The following KCNH1 variants were observed in gnomAD, a reference collection of about 807,000 sequenced individuals.
The protein encoded by KCNH1 is voltage-gated delayed rectifier potassium channel KCNH1.
KCNH1 carries 27 observed loss-of-function variants against 69.2 expected under a neutral mutation model. That is an observed-to-expected ratio of 0.39 (90% confidence interval 0.29 to 0.54). The LOEUF is 0.54. Among genes scored for constraint, KCNH1 ranks in the 20% least tolerant of loss-of-function variants. The probability of loss-of-function intolerance (pLI) is 0.68; values close to 1 mark genes in which losing one functional copy is unlikely to be tolerated. For synonymous variants in KCNH1, 456 were observed against 487.7 expected (o/e 0.93, Z 0.86); for missense variants, 798 against 1,261.6 (o/e 0.63, Z 5.57).
intron 6 of KCNH1, among the ~76,000 whole-genome samples, chr1:210,998,727 A>T (rs1172397131): frequency 6.6e-6 from 1 of 152,096 alleles, no homozygotes; most frequent in Non-Finnish European, 1.5e-5. Context: ...CAGCACCACA[A>T]CACACCTAAT....
intron 10 of KCNH1, among the ~76,000 whole-genome samples, chr1:210,697,274 G>T (rs1002576819): frequency 2.0e-5 from 3 of 152,178 alleles, no homozygotes; most frequent in Non-Finnish European, 2.9e-5. Context: ...TTCCTGCTGG[G>T]CCCAAGAAAC....
At chr1:210,703,822 C>T (rs73067455) in intron 10 of KCNH1, among the ~76,000 whole-genome samples, 4,242 of 152,266 alleles carry the variant, frequency 0.028, 126 homozygotes, top group African/African-American at 0.073. Context: ...TCTGTAATCT[C>T]GGGCTTGTGC....
At chr1:210,998,644 G>C (rs1474005381) in intron 6 of KCNH1, among the ~76,000 whole-genome samples, 2 of 152,180 alleles carry the variant, frequency 1.3e-5, no homozygotes, top group Non-Finnish European at 2.9e-5. Flanking sequence ...ATTGAACTCA[G>C]CTCTGCCCCA....
intron 5 of KCNH1, among the ~76,000 whole-genome samples, chr1:211,048,405 C>T (rs1690131877): frequency 6.6e-6 from 1 of 152,066 alleles, no homozygotes; most frequent in Non-Finnish European, 1.5e-5. Flanking sequence ...CAGCATAATT[C>T]GCAACTGCAA....
intron 6 of KCNH1, among the ~76,000 whole-genome samples, chr1:210,920,618 T>C (rs1380025179): frequency 6.6e-6 from 1 of 151,974 alleles, no homozygotes; most frequent in African/African-American, 2.4e-5. Context: ...TTTGTAAATA[T>C]TTTTGTTATA....
Position 210,804,051 on chromosome 1 carries a change from G to A in KCNH1, c.1578C>T (p.Tyr526=). The change falls in exon 8 of 11, where the codon TAC becomes TAT. Residue 526 remains tyrosine (Y), a synonymous_variant. Transcript: ENST00000271751. ...LNSVRDFLKL[Y]QVPKGLSERV... ...GCTCACTCAATCCTTTTGGCACCTG[G>A]TAGAGCTTCAGGAAGTCCCGAACAC... The A allele has an allele frequency of 6.2e-7, 1 of 1,614,166 alleles. No homozygotes were observed. The highest frequency in any genetic ancestry group is 1.1e-5 in the South Asian group (1 of 91,080).
chr1:211,101,412 G>A (rs1691255217), intron 3 of KCNH1, among the ~76,000 whole-genome samples: 1 of 152,212 alleles, frequency 6.6e-6, no homozygotes, highest in Non-Finnish European at 1.5e-5. Context: ...GTGGGATTTG[G>A]AGGTAGTAAG....
At chr1:210,853,946 C>CAAAAAA (rs11445997) in intron 7 of KCNH1, among the ~76,000 whole-genome samples, 1,348 of 61,414 alleles carry the variant, frequency 0.022, 116 homozygotes, top group East Asian at 0.1. Context: ...TTATCTAAGC[C>CAAAAAA]AAAAAAAAAA....
chr1:211,039,997 G>A (rs148841472), intron 5 of KCNH1, among the ~76,000 whole-genome samples: 1,780 of 152,212 alleles, frequency 0.012, 39 homozygotes, highest in African/African-American at 0.04. Context: ...AGACCATCCT[G>A]GCTAACACAG....
intron 10 of KCNH1, among the ~76,000 whole-genome samples, chr1:210,753,592 C>T (rs981181254): frequency 3.9e-5 from 6 of 152,192 alleles, no homozygotes; most frequent in African/African-American, 1.2e-4. Flanking sequence ...ATTGTCTCCT[C>T]AGCCAAAGAC....
intron 10 of KCNH1, among the ~76,000 whole-genome samples, chr1:210,760,392 G>A (rs913395183): frequency 2.0e-5 from 3 of 152,122 alleles, no homozygotes; most frequent in African/African-American, 7.2e-5. Context: ...ACCATTTTTG[G>A]CATTCTTGAA....
chr1:210,970,106 T>C (rs1383666633), intron 6 of KCNH1, among the ~76,000 whole-genome samples: 1 of 152,088 alleles, frequency 6.6e-6, no homozygotes, highest in South Asian at 2.1e-4. Context: ...GCTTTTATTT[T>C]TTTTTTATTT....
intron 1 of KCNH1, among the ~76,000 whole-genome samples, chr1:211,107,875 A>G (rs1032209353): frequency 6.6e-6 from 1 of 152,198 alleles, no homozygotes; most frequent in Non-Finnish European, 1.5e-5. Context: ...CACAGAAAGG[A>G]GGCTAAACAC....
intron 5 of KCNH1, among the ~76,000 whole-genome samples, chr1:211,038,135 T>C (rs898399725): frequency 1.3e-5 from 2 of 151,982 alleles, no homozygotes; most frequent in Admixed American, 6.6e-5. Flanking sequence ...AAATTTTTTG[T>C]ATTTTTTAGT....
intron 7 of KCNH1, chr1:210,859,236 A>G: frequency 9.3e-6 from 15 of 1,612,380 alleles, no homozygotes; most frequent in Non-Finnish European, 1.2e-5. Flanking sequence ...GGAGCACTGA[A>G]TTTGTATCCT....
chr1:211,031,959 G>A (rs965552262), intron 5 of KCNH1, among the ~76,000 whole-genome samples: 1 of 151,418 alleles, frequency 6.6e-6, no homozygotes, highest in African/African-American at 2.4e-5. Context: ...TAGGAAAAGA[G>A]GAAGTCAAAT....
chr1:210,859,214 C>A (rs1269543661), intron 7 of KCNH1: 2 of 1,611,916 alleles, frequency 1.2e-6, no homozygotes, highest in African/African-American at 2.7e-5. Flanking sequence ...ATTGAAAGAA[C>A]TTGGCACAAC....
chr1:210,788,012 T>C (rs1219555438), intron 9 of KCNH1, among the ~76,000 whole-genome samples: 2 of 152,180 alleles, frequency 1.3e-5, no homozygotes, highest in African/African-American at 4.8e-5. Context: ...TCTTCATTAC[T>C]GCAATTAGAT....
At chr1:210,879,799 G>C (rs535319587) in intron 7 of KCNH1, among the ~76,000 whole-genome samples, 41 of 152,130 alleles carry the variant, frequency 2.7e-4, no homozygotes, top group Non-Finnish European at 5.6e-4. Context: ...TGGGAAGAAA[G>C]AAATAAATTT....
Sources: allele counts gnomAD v4.1 joint callset (sites outside exome capture counted in the v4.1 genomes callset), GRCh38; gene constraint gnomAD v4.1.1; transcripts MANE v1.5; gene names NCBI Gene and HGNC (gene_info 2026-07-23, HGNC 2026-07-21).